The following IL1RAPL2 variants were observed in gnomAD, a reference collection of about 807,000 sequenced individuals.
IL1RAPL2 encodes interleukin 1 receptor accessory protein like 2.
IL1RAPL2 carries 3 observed loss-of-function variants against 44.1 expected under a neutral mutation model. That is an observed-to-expected ratio of 0.07 (90% confidence interval 0.03 to 0.18). The LOEUF (loss-of-function observed/expected upper bound fraction) is 0.18, where lower values mean the gene tolerates loss of function less well. Among genes scored for constraint, IL1RAPL2 ranks in the 10% least tolerant of loss-of-function variants. The pLI is 1.00. For missense variants in IL1RAPL2, 391 were observed against 496.4 expected (o/e 0.79, Z 2.02); for synonymous variants, 181 against 178.8 (o/e 1.01, Z -0.10).
intron 5 of IL1RAPL2, among the ~76,000 whole-genome samples, chrX:105,304,130 G>T (rs1370138093): frequency 8.9e-6 from 1 of 112,699 alleles, no homozygotes; most frequent in Non-Finnish European, 1.9e-5. Context: ...GTGTCCCTTT[G>T]TGGGGTTGCC....
chrX:104,747,540 C>A (rs1225163642), intron 2 of IL1RAPL2, among the ~76,000 whole-genome samples: 1 of 110,848 alleles, frequency 9.0e-6, no homozygotes, highest in African/African-American at 3.3e-5. Flanking sequence ...GAATATGGTT[C>A]GAGGAGAGTG....
intron 1 of IL1RAPL2, among the ~76,000 whole-genome samples, chrX:104,582,656 CTT>C (rs1166851253): frequency 4.4e-3 from 247 of 56,776 alleles, no homozygotes; most frequent in Middle Eastern, 8.9e-3. Flanking sequence ...TTCTTTCTTT[CTT>C]TTTTTTCTTT....
At chrX:105,222,141 T>C (rs2033971357) in intron 3 of IL1RAPL2, among the ~76,000 whole-genome samples, 1 of 111,937 alleles carries the variant, frequency 8.9e-6, no homozygotes, top group Non-Finnish European at 1.9e-5. Context: ...CTCTCCACAA[T>C]GTTATCCACC....
At chrX:105,232,432 C>T (rs1480456061) in intron 3 of IL1RAPL2, among the ~76,000 whole-genome samples, 3 of 111,866 alleles carry the variant, frequency 2.7e-5, no homozygotes, top group Non-Finnish European at 5.6e-5. Flanking sequence ...TTTGAATTGC[C>T]ACCCTTGGCA....
chrX:105,626,803 G>T (rs941120486), intron 6 of IL1RAPL2, among the ~76,000 whole-genome samples: 13 of 111,290 alleles, frequency 1.2e-4, no homozygotes, highest in African/African-American at 4.2e-4. Flanking sequence ...AATCCATTGA[G>T]ATATTATTTT....
intron 2 of IL1RAPL2, among the ~76,000 whole-genome samples, chrX:105,041,698 A>C (rs1254180981): frequency 9.2e-6 from 1 of 108,777 alleles, no homozygotes; most frequent in African/African-American, 3.4e-5. Flanking sequence ...GCTACCAATG[A>C]CTTTCTTCAC....
At chrX:105,613,722 G>A (rs2037352747) in intron 6 of IL1RAPL2, among the ~76,000 whole-genome samples, 1 of 111,866 alleles carries the variant, frequency 8.9e-6, no homozygotes, top group African/African-American at 3.3e-5. Flanking sequence ...GGCCTGTGGT[G>A]GTGGTAGCCA....
intron 5 of IL1RAPL2, among the ~76,000 whole-genome samples, chrX:105,318,097 C>A (rs770907190): frequency 9.1e-6 from 1 of 109,662 alleles, no homozygotes; most frequent in Admixed American, 9.7e-5. Context: ...CTCAGCCTCC[C>A]GAGTAGCTGG....
At chrX:105,710,954 T>A (rs1343477347) in intron 6 of IL1RAPL2, among the ~76,000 whole-genome samples, 1 of 105,151 alleles carries the variant, frequency 9.5e-6, no homozygotes, top group Non-Finnish European at 1.9e-5. Context: ...ATATATATAT[T>A]TATATATATA....
intron 5 of IL1RAPL2, among the ~76,000 whole-genome samples, chrX:105,313,470 A>G (rs942794875): frequency 1.8e-5 from 2 of 111,635 alleles, no homozygotes; most frequent in Non-Finnish European, 3.8e-5. Flanking sequence ...AGTAGAAAGC[A>G]GAGAAAAATT....
chrX:105,082,390 C>T (rs747565811), intron 2 of IL1RAPL2, among the ~76,000 whole-genome samples: 6 of 111,388 alleles, frequency 5.4e-5, no homozygotes, highest in South Asian at 7.6e-4. Context: ...ATCTGGCTAG[C>T]GGTCTATTTT....
At chrX:104,961,070 T>TA (rs892993308) in intron 2 of IL1RAPL2, among the ~76,000 whole-genome samples, 19 of 110,231 alleles carry the variant, frequency 1.7e-4, no homozygotes, top group African/African-American at 2.6e-4. Context: ...AGTAACAGAT[T>TA]AAAAAAAAAG....
At chrX:104,951,587 G>C (rs1177750081) in intron 2 of IL1RAPL2, among the ~76,000 whole-genome samples, 1 of 112,349 alleles carries the variant, frequency 8.9e-6, no homozygotes, top group Non-Finnish European at 1.9e-5. Context: ...TTTGATGTTT[G>C]GCTTAACAGT....
At chrX:104,986,941 T>A (rs374108973) in intron 2 of IL1RAPL2, among the ~76,000 whole-genome samples, 2 of 112,267 alleles carry the variant, frequency 1.8e-5, no homozygotes, top group African/African-American at 6.5e-5. Context: ...AATTTTCCAG[T>A]TTCAACAAAA....
intron 2 of IL1RAPL2, among the ~76,000 whole-genome samples, chrX:104,756,315 C>T (rs1458990159): frequency 1.8e-5 from 2 of 111,236 alleles, no homozygotes; most frequent in Non-Finnish European, 3.8e-5. Context: ...CAACTTGTTC[C>T]TTGTTCAAGA....
chrX:105,764,330 A>C (rs2038711570), intron 10 of IL1RAPL2, among the ~76,000 whole-genome samples: 1 of 111,853 alleles, frequency 8.9e-6, no homozygotes, highest in Non-Finnish European at 1.9e-5. Context: ...GATGGATGAA[A>C]GGGGAGAACC....
chrX:105,447,562 AATAT>A (rs2035976304), intron 5 of IL1RAPL2, among the ~76,000 whole-genome samples: 1 of 73,595 alleles, frequency 1.4e-5, no homozygotes, highest in Non-Finnish European at 2.4e-5. Context: ...AATAAATATA[AATAT>A]ATAAACATAA....
At chrX:104,651,373 C>G (rs1335457989) in intron 1 of IL1RAPL2, among the ~76,000 whole-genome samples, 1 of 111,824 alleles carries the variant, frequency 8.9e-6, no homozygotes, top group Admixed American at 9.5e-5. Context: ...TAAAATATCT[C>G]TGAATATCAG....
At chrX:105,323,872 TCACACA>T (rs112033130) in intron 5 of IL1RAPL2, among the ~76,000 whole-genome samples, 6 of 102,490 alleles carry the variant, frequency 5.9e-5, no homozygotes, top group Admixed American at 2.1e-4. Flanking sequence ...TGAGACTCTG[TCACACA>T]CACACACACA....
Sources: gnomAD v4.1 joint callset for allele counts (sites outside exome capture counted in the v4.1 genomes callset) on GRCh38, gnomAD v4.1.1 for gene constraint, MANE v1.5 for transcripts, NCBI Gene and HGNC (gene_info 2026-07-23, HGNC 2026-07-21) for gene names.